DXO: variants seen among roughly 807,000 people sequenced by gnomAD.
DXO encodes decapping and exoribonuclease protein.
A neutral mutation model predicts 39.8 loss-of-function variants in DXO; 42 were observed. The ratio of observed to expected loss-of-function variants is 1.06; its 90% CI spans 0.83 to 1.37. The LOEUF (loss-of-function observed/expected upper bound fraction) is 1.37, where lower values mean the gene tolerates loss of function less well. Among genes scored for constraint, DXO ranks in the 40% most tolerant of loss-of-function variants. DXO has a pLI of 0.00. For missense variants in DXO, 495 were observed against 513.0 expected (o/e 0.96, Z 0.34); for synonymous variants, 193 against 200.4 (o/e 0.96, Z 0.31).
rs1773165686 is a variant in DXO at position 31,970,431 on chromosome 6, G to A, written c.860C>T (p.Pro287Leu). The change falls in exon 5 of 7, where the codon CCG (proline) becomes CTG (leucine). Residue 287 changes from proline (P) to leucine (L), a missense_variant. Coordinates refer to ENST00000337523, the MANE Select transcript of DXO (RefSeq NM_005510.4). The surrounding 1 kb of genome is among the most constrained non-coding windows in gnomAD (Gnocchi z 4.0). ...GTTACGGAAGCCAGCAACAACATTC[G>A]GGACCCCTGGGAGGAATGACTGAGC... ...WWAQSFLPGV[P>L]NVVAGFRNPD... The A allele has an allele frequency of 4.3e-6, 7 of 1,614,088 alleles. No homozygotes were observed. Among genetic ancestry groups the A allele is most frequent in the Non-Finnish European group, 4.2e-6 (5 of 1,180,008 alleles).
Position 31,970,873 on chromosome 6 carries a change from TGGGAAG to T in DXO, c.592+33_592+38del, listed in dbSNP as rs752216181. 6.2e-7 allele frequency: 1 copy of T among 1,610,966 alleles called. No individual in the cohort carries two copies. Among genetic ancestry groups the T allele is most frequent in the Non-Finnish European group, 8.5e-7 (1 of 1,178,586 alleles). Reference sequence around the variant, plus strand: ...GCAGGCGTGGGGGGCTCTCAACCTCTGGGAAGGGGAAGGGGGCTATGAAGCAGGGGC... The same window carrying T: ...GCAGGCGTGGGGGGCTCTCAACCTCTGGGAAGGGGGCTATGAAGCAGGGGC... On this transcript the variant is annotated intron_variant, in intron 3 of 6. Coordinates refer to ENST00000337523, the MANE Select transcript of DXO (RefSeq NM_005510.4). The surrounding 1 kb of genome is among the most constrained non-coding windows in gnomAD (Gnocchi z 4.0).
At position 31,969,955 on chromosome 6, in the gene DXO, G is replaced by T. The variant is rs746093267; in HGVS notation, c.1113C>A (p.Tyr371Ter). 1.2e-6 allele frequency: 2 copies of T among 1,613,990 alleles called. No homozygotes were observed. Among genetic ancestry groups the T allele is most frequent in the East Asian group, 2.2e-5 (1 of 44,880 alleles). ...CCACATACCATATGGGCAGGAAGGC[G>T]TAAGGTGCATCTTGGTGTACAGACA... is the stretch of plus-strand genomic sequence containing the variant. ...VTVSVHQDAP[Y>*]AFLPIWYVEA... Residue 371 changes from tyrosine (Y) to a stop codon, truncating the protein, a stop_gained, in exon 7 of 7, where the codon TAC (tyrosine) becomes TAA (stop). Coordinates refer to ENST00000337523, the MANE Select transcript of DXO (RefSeq NM_005510.4). LOFTEE classifies it high-confidence loss of function. This position sits in a 1 kb window ranked among gnomAD's most constrained non-coding sequence, Gnocchi z 6.1.
rs1186594134 is a variant in DXO at position 31,972,102 on chromosome 6, A to G, written c.-180T>C. ...TGTGAGCTTCACGAAGGAGGTTGAC[A>G]CCAACGTGGCCACCGGCGCCCCTCC... On this transcript the variant is annotated 5_prime_UTR_variant, in exon 1 of 7. Coordinates refer to ENST00000337523, the MANE Select transcript of DXO (RefSeq NM_005510.4). The surrounding 1 kb of genome is among the most constrained non-coding windows in gnomAD (Gnocchi z 6.3). 1.9e-6 allele frequency: 3 copies of G among 1,613,070 alleles called. No individual in the cohort carries two copies. In the Admixed American group the frequency reaches 5.0e-5, roughly 27 times the overall value.
At position 31,971,454 on chromosome 6, in the gene DXO, G is replaced by A. The variant is rs375449615; in HGVS notation, c.222C>T (p.Pro74=). The change falls in exon 2 of 7, where the codon CCC becomes CCT. Residue 74 remains proline, a synonymous_variant. Transcript: ENST00000337523. The surrounding 1 kb of genome is among the most constrained non-coding windows in gnomAD (Gnocchi z 4.5). ...CAAAGTTGGGGCCTGGACCGTTAGT[G>A]GGGGGTGGGCTATAGTAGCGCAGGG... ...ARALRYYSPP[P]TNGPGPNFDL... 7 of 1,613,566 alleles carry A rather than the reference G, an allele frequency of 4.3e-6. No individual in the cohort carries two copies. The African/African-American group carries it at 5.3e-5, about 12-fold the overall frequency.
In DXO at chr6:31,971,994, A is replaced by C. The variant is rs377166740; in HGVS notation, c.-72T>G. The C allele has an allele frequency of 1.6e-5, 25 of 1,597,732 alleles. No individual in the cohort carries two copies. ...TCATGGCAGGCACGCCAGAGGCCGA[A>C]GGATGCAAAAGTGGTTTTCTGCTTT... On this transcript the variant is annotated 5_prime_UTR_variant, in exon 1 of 7. Transcript: ENST00000337523. The surrounding 1 kb of genome is among the most constrained non-coding windows in gnomAD (Gnocchi z 4.5).
rs1773206083 is a variant in DXO at position 31,970,724 on chromosome 6, A to G, written c.694T>C (p.Ser232Pro). ...GGGTCTGTGCAGTCTACCTCCCCTG[A>G]GAAGAGCAGAGGGTGGCTTCCCAGG... ...SRLGSHPLLF[S>P]GEVDCTDPQA... is the part of the protein sequence containing the mutation. The change falls in exon 4 of 7, where the codon TCA becomes CCA. Residue 232 changes from serine to proline, a missense_variant. Ser to Pro is a moderately conservative substitution (Grantham distance 74, BLOSUM62 -1). Transcript: ENST00000337523. This position sits in a 1 kb window ranked among gnomAD's most constrained non-coding sequence, Gnocchi z 4.0. The G allele has an allele frequency of 6.2e-7, 1 of 1,612,734 alleles. No homozygotes were observed. The highest frequency in any genetic ancestry group is 8.5e-7 in the Non-Finnish European group (1 of 1,180,004).
In DXO at chr6:31,969,855, A is replaced by T. The variant is rs1773082404; in HGVS notation, c.*22T>A. The T allele has an allele frequency of 1.9e-6, 3 of 1,614,074 alleles. No individual in the cohort carries two copies. The highest frequency in any genetic ancestry group is 1.7e-6 in the Non-Finnish European group (2 of 1,179,976). On this transcript the variant is annotated 3_prime_UTR_variant, in exon 7 of 7. Transcript: ENST00000337523. The surrounding 1 kb of genome is among the most constrained non-coding windows in gnomAD (Gnocchi z 6.1). ...TTTATTATCTGCACACAGAGATATG[A>T]CTGCCTCCCTCTAAAGCATTACTAT...
At position 31,971,249 on chromosome 6, in the gene DXO, G is replaced by A. The variant is rs1264601648; in HGVS notation, c.356+71C>T. On this transcript the variant is annotated intron_variant, in intron 2 of 6. Transcript: ENST00000337523. This position sits in a 1 kb window ranked among gnomAD's most constrained non-coding sequence, Gnocchi z 4.5. ...TCTTCTAAGGACTGATTCTCACCCCGGCTTTGGCTCTCCTAATTTTAGAGG... is the reference window on the plus strand; with the variant it reads ...TCTTCTAAGGACTGATTCTCACCCCAGCTTTGGCTCTCCTAATTTTAGAGG... 4.5e-6 allele frequency: 7 copies of A among 1,541,862 alleles called. No homozygotes were observed. Among genetic ancestry groups the A allele is most frequent in the South Asian group, 3.7e-5 (3 of 80,734 alleles).
chr6:31,969,850 A>G lies in DXO; in HGVS notation c.*27T>C, dbSNP rs1359241436. On this transcript the variant is annotated 3_prime_UTR_variant, in exon 7 of 7. Coordinates refer to ENST00000337523, the MANE Select transcript of DXO (RefSeq NM_005510.4). This position sits in a 1 kb window ranked among gnomAD's most constrained non-coding sequence, Gnocchi z 6.1. ...ATGCTTTTATTATCTGCACACAGAG[A>G]TATGACTGCCTCCCTCTAAAGCATT... 3.7e-6 allele frequency: 6 copies of G among 1,613,922 alleles called. No individual in the cohort carries two copies. Among genetic ancestry groups the G allele is most frequent in the Non-Finnish European group, 4.2e-6 (5 of 1,179,970 alleles).
In DXO at chr6:31,971,569, T is replaced by C. The variant is rs753567260; in HGVS notation, c.107A>G (p.Tyr36Cys). ...APSLPTDPAL[Y>C]SGPFPFYRRP... is the part of the protein sequence containing the mutation. ...CCGGTAGAAAGGAAAGGGCCCAGAG[T>C]AGAGGGCAGGGTCTGTGGGCAGAGA... Residue 36 changes from tyrosine to cysteine, a missense_variant, in exon 2 of 7, where the codon TAC becomes TGC. Coordinates refer to ENST00000337523, the MANE Select transcript of DXO (RefSeq NM_005510.4). The surrounding 1 kb of genome is among the most constrained non-coding windows in gnomAD (Gnocchi z 4.5). 17 of 1,613,632 alleles carry C rather than the reference T, an allele frequency of 1.1e-5. No homozygotes were observed. In the African/African-American group the frequency reaches 1.6e-4, roughly 15 times the overall value.
At position 31,972,036 on chromosome 6, in the gene DXO, C is replaced by T. The variant is rs1450039954; in HGVS notation, c.-114G>A. The T allele has an allele frequency of 7.4e-6, 12 of 1,611,050 alleles. No homozygotes were observed. Among genetic ancestry groups the T allele is most frequent in the Non-Finnish European group, 1.0e-5 (12 of 1,177,874 alleles). On this transcript the variant is annotated 5_prime_UTR_variant, in exon 1 of 7. Transcript: ENST00000337523. The surrounding 1 kb of genome is among the most constrained non-coding windows in gnomAD (Gnocchi z 6.3). ...TTCTGCTTTCGATGATGCAATCATT[C>T]AGCGACAGTGGCGGGCAAACCCCTC...
rs1582194816 is a variant in DXO, at chr6:31,970,049, T to C, written c.1044-25A>G. ...CCTGGGGGGCAGATGGAGGCATCAG[T>C]TGAGGGCCAGAGGCTGGATCCTGGG... On this transcript the variant is annotated intron_variant, in intron 6 of 6. Transcript: ENST00000337523. This position sits in a 1 kb window ranked among gnomAD's most constrained non-coding sequence, Gnocchi z 4.0. The C allele has an allele frequency of 1.9e-6, 3 of 1,613,556 alleles. No individual in the cohort carries two copies. Among genetic ancestry groups the C allele is most frequent in the African/African-American group, 2.7e-5 (2 of 74,724 alleles).
Position 31,969,851 on chromosome 6 carries a change from T to C in DXO, c.*26A>G, listed in dbSNP as rs1227102964. 1 of 1,613,900 alleles carries C rather than the reference T, an allele frequency of 6.2e-7. No homozygotes were observed. Among genetic ancestry groups the C allele is most frequent in the East Asian group, 2.2e-5 (1 of 44,898 alleles). ...TGCTTTTATTATCTGCACACAGAGA[T>C]ATGACTGCCTCCCTCTAAAGCATTA... On this transcript the variant is annotated 3_prime_UTR_variant, in exon 7 of 7. Transcript: ENST00000337523. The surrounding 1 kb of genome is among the most constrained non-coding windows in gnomAD (Gnocchi z 6.1).
chr6:31,971,559 G>C lies in DXO; in HGVS notation c.117C>G (p.Pro39=). 4.3e-6 allele frequency: 7 copies of C among 1,614,148 alleles called. No homozygotes were observed. Among genetic ancestry groups the C allele is most frequent in the Non-Finnish European group, 5.9e-6 (7 of 1,180,046 alleles). The change falls in exon 2 of 7, where the codon CCC becomes CCG. Residue 39 remains proline (P), a synonymous_variant. Transcript: ENST00000337523. The surrounding 1 kb of genome is among the most constrained non-coding windows in gnomAD (Gnocchi z 4.5). The stretch of plus-strand genomic sequence containing the variant: ...CCGAAGGGCGCCGGTAGAAAGGAAA[G>C]GGCCCAGAGTAGAGGGCAGGGTCTG... ...LPTDPALYSG[P]FPFYRRPSEL... is the part of the protein sequence containing the mutation.
rs371984557 is a variant in DXO, at chr6:31,971,411, G to C, written c.265C>G (p.Pro89Ala). The change falls in exon 2 of 7, where the codon CCG becomes GCG. Residue 89 changes from proline to alanine, a missense_variant. Physicochemically the swap from Pro to Ala is conservative, Grantham distance 27 (BLOSUM62 -1). Transcript: ENST00000337523. This position sits in a 1 kb window ranked among gnomAD's most constrained non-coding sequence, Gnocchi z 4.5. ...GPNFDLRDGYPDRYQPRDEEV... is the reference protein window; with the variant it reads ...GPNFDLRDGYADRYQPRDEEV... ...TCGTCCCGGGGCTGGTATCGATCCG[G>C]GTATCCGTCTCTGAGGTCAAAGTTG... 4 of 1,605,956 alleles carry C rather than the reference G, an allele frequency of 2.5e-6. No homozygotes were observed. Among genetic ancestry groups the C allele is most frequent in the Non-Finnish European group, 3.4e-6 (4 of 1,174,114 alleles).
chr6:31,971,913 T>C lies in DXO; in HGVS notation c.-7+16A>G. ...GTTAGGAAGGACGTCTGCGCTCAGA[T>C]CAAGAATCCAGTTACCTCAAAGCTC... On this transcript the variant is annotated intron_variant, in intron 1 of 6. Transcript: ENST00000337523. This position sits in a 1 kb window ranked among gnomAD's most constrained non-coding sequence, Gnocchi z 4.5. 1 of 1,529,686 alleles carries C rather than the reference T, an allele frequency of 6.5e-7. No individual in the cohort carries two copies. The highest frequency in any genetic ancestry group is 8.8e-7 in the Non-Finnish European group (1 of 1,136,954). 94.8% of individuals were successfully genotyped at this position (1,529,686 alleles called of 1,614,324 possible).
chr6:31,971,113 A>C lies in DXO; in HGVS notation c.391T>G (p.Trp131Gly). ...AGCAGTTTTGTCAGGTGCCCCCGCC[A>C]CGTCACTATGGCCTCTGCCAGCCAG... The part of the protein sequence containing the change: ...PGWLAEAIVT[W>G]RGHLTKLLTT... The change falls in exon 3 of 7, where the codon TGG (tryptophan) becomes GGG (glycine). Residue 131 changes from tryptophan to glycine, a missense_variant. Trp to Gly is a radical substitution (Grantham distance 184). Transcript: ENST00000337523. This position sits in a 1 kb window ranked among gnomAD's most constrained non-coding sequence, Gnocchi z 4.5. 6.2e-7 allele frequency: 1 copy of C among 1,612,844 alleles called. No homozygotes were observed. Among genetic ancestry groups the C allele is most frequent in the African/African-American group, 1.3e-5 (1 of 75,022 alleles).
chr6:31,971,109 C>G lies in DXO; in HGVS notation c.395G>C (p.Arg132Pro), dbSNP rs570266676. The G allele has an allele frequency of 1.9e-6, 3 of 1,612,722 alleles. No individual in the cohort carries two copies. In the African/African-American group the frequency reaches 4.0e-5, roughly 22 times the overall value. Residue 132 changes from arginine to proline, a missense_variant, in exon 3 of 7, where the codon CGG becomes CCG. Coordinates refer to ENST00000337523, the MANE Select transcript of DXO (RefSeq NM_005510.4). This position sits in a 1 kb window ranked among gnomAD's most constrained non-coding sequence, Gnocchi z 4.5. ...CGTCAGCAGTTTTGTCAGGTGCCCCCGCCACGTCACTATGGCCTCTGCCAG... is the reference window on the plus strand; with the variant it reads ...CGTCAGCAGTTTTGTCAGGTGCCCCGGCCACGTCACTATGGCCTCTGCCAG... ...GWLAEAIVTW[R>P]GHLTKLLTTP...
Position 31,969,976 on chromosome 6 carries a change from A to C in DXO, c.1092T>G (p.Ser364=), listed in dbSNP as rs760609295. Residue 364 remains serine, a synonymous_variant, in exon 7 of 7, where the codon TCT becomes TCG. Transcript: ENST00000337523. The surrounding 1 kb of genome is among the most constrained non-coding windows in gnomAD (Gnocchi z 6.1). ...AGGCGTAAGGTGCATCTTGGTGTAC[A>C]GACACGGTGACTGGGCCGCCAGGCT... The part of the protein sequence containing the change: ...SWEPGGPVTV[S]VHQDAPYAFL... The C allele has an allele frequency of 6.2e-7, 1 of 1,614,072 alleles. No homozygotes were observed. The highest frequency in any genetic ancestry group is 2.2e-5 in the East Asian group (1 of 44,858).
Sources: allele counts gnomAD v4.1 joint callset, GRCh38; gene constraint gnomAD v4.1.1; non-coding constraint Gnocchi (gnomAD v3.1); transcripts MANE v1.5; gene names NCBI Gene and HGNC (gene_info 2026-07-23, HGNC 2026-07-21).